TNR: variants seen among roughly 807,000 people sequenced by gnomAD.
The protein encoded by TNR is tenascin-R.
In TNR, 45 loss-of-function variants were observed where a neutral mutation model predicts 150.4. That is an observed-to-expected ratio of 0.30 (90% CI 0.24 to 0.38). The LOEUF is 0.38. Among genes scored for constraint, TNR ranks in the 10% least tolerant of loss-of-function variants. The pLI is 1.00. For synonymous variants in TNR, 687 were observed against 678.4 expected (o/e 1.01, Z -0.20); for missense variants, 1,544 against 1,759.1 (o/e 0.88, Z 2.19).
At chr1:175,649,284 C>A (rs1347192655) in intron 1 of TNR, among the ~76,000 whole-genome samples, 1 of 152,216 alleles carries the variant, frequency 6.6e-6, no homozygotes, top group Non-Finnish European at 1.5e-5. Context: ...CTTTCTCCAC[C>A]TTCAGATCGC....
chr1:175,680,677 G>T (rs1666007016), intron 1 of TNR, among the ~76,000 whole-genome samples: 2 of 152,090 alleles, frequency 1.3e-5, no homozygotes, highest in Admixed American at 6.5e-5. Flanking sequence ...GTACAAAAGA[G>T]GTGCAATAAG....
At chr1:175,510,668 A>G (rs1456588466) in intron 2 of TNR, among the ~76,000 whole-genome samples, 1 of 152,250 alleles carries the variant, frequency 6.6e-6, no homozygotes, top group Non-Finnish European at 1.5e-5. Context: ...AAAAGAAGAA[A>G]GTAAATAAGT....
intron 1 of TNR, among the ~76,000 whole-genome samples, chr1:175,554,223 T>A (rs1382950079): frequency 6.6e-6 from 1 of 151,988 alleles, no homozygotes; most frequent in African/African-American, 2.4e-5. Flanking sequence ...TCAAAGGTGC[T>A]ATCATTTCTA....
intron 1 of TNR, among the ~76,000 whole-genome samples, chr1:175,719,153 T>C (rs1667233652): frequency 6.6e-6 from 1 of 152,130 alleles, no homozygotes; most frequent in South Asian, 2.1e-4. Flanking sequence ...TACAGAAGCA[T>C]GGGTGAGAAA....
At position 175,330,212 on chromosome 1, in the gene TNR, T is replaced by C; in HGVS notation, c.3655A>G (p.Thr1219Ala). 6.2e-7 allele frequency: 1 copy of C among 1,605,978 alleles called. No homozygotes were observed. Among genetic ancestry groups the C allele is most frequent in the Non-Finnish European group, 8.5e-7 (1 of 1,174,106 alleles). ...WLGLDNIHRI[T>A]SQGRYELRVD... Reference sequence around the variant, plus strand: ...CGCAGCTCATAGCGGCCCTGGGATGTGATCCTGTGTATATTGTCCAGCCCT... The same window carrying C: ...CGCAGCTCATAGCGGCCCTGGGATGCGATCCTGTGTATATTGTCCAGCCCT... Residue 1219 changes from threonine (T) to alanine (A), a missense_variant, in exon 21 of 23, where the codon ACA (threonine) becomes GCA (alanine). Thr to Ala is a moderately conservative substitution (Grantham distance 58). Transcript: ENST00000367674.
At chr1:175,640,622 A>C (rs577091259) in intron 1 of TNR, among the ~76,000 whole-genome samples, 35 of 152,172 alleles carry the variant, frequency 2.3e-4, no homozygotes, top group African/African-American at 8.2e-4. Context: ...CCATTCCCTT[A>C]TATCTCCTTG....
At chr1:175,516,037 A>G (rs1659392111) in intron 2 of TNR, among the ~76,000 whole-genome samples, 1 of 152,236 alleles carries the variant, frequency 6.6e-6, no homozygotes, top group Non-Finnish European at 1.5e-5. Context: ...TTTAATATCC[A>G]ATTTTATATT....
intron 1 of TNR, among the ~76,000 whole-genome samples, chr1:175,687,263 C>T (rs1666228169): frequency 6.6e-6 from 1 of 152,136 alleles, no homozygotes; most frequent in Non-Finnish European, 1.5e-5. Context: ...CACTGACAAG[C>T]ACCATCTCAC....
chr1:175,591,942 T>C lies in TNR; in HGVS notation c.-164-63573A>G, dbSNP rs143202705. Among the ~76,000 whole-genome samples, 372 of 152,306 alleles carry C rather than the reference T, an allele frequency of 2.4e-3. 1 individual carries two copies. Among genetic ancestry groups the C allele is most frequent in the Non-Finnish European group, 4.3e-3 (292 of 68,022 alleles). ...GAGGAAGCATGTGTCAATTTGGATT[T>C]AGCCTGGGAATCTAAGTGACCAAGA... On this transcript the variant is annotated intron_variant, in intron 1 of 22. Transcript: ENST00000367674.
At chr1:175,663,583 T>C (rs1665443242) in intron 1 of TNR, among the ~76,000 whole-genome samples, 1 of 152,132 alleles carries the variant, frequency 6.6e-6, no homozygotes, top group Non-Finnish European at 1.5e-5. Context: ...AAAAGCCAAC[T>C]CTAACCTACA....
intron 1 of TNR, among the ~76,000 whole-genome samples, chr1:175,534,100 G>A (rs61338395): frequency 6.6e-6 from 1 of 152,222 alleles, no homozygotes; most frequent in South Asian, 2.1e-4. Flanking sequence ...AGGAGGTGCA[G>A]CAAATCCCTA....
chr1:175,514,081 G>A (rs1321386619), intron 2 of TNR, among the ~76,000 whole-genome samples: 1 of 152,184 alleles, frequency 6.6e-6, no homozygotes, highest in Non-Finnish European at 1.5e-5. Flanking sequence ...TTAGTCTCTG[G>A]AATCTGTGAA....
chr1:175,491,719 C>A (rs111504028), intron 2 of TNR, among the ~76,000 whole-genome samples: 4 of 143,814 alleles, frequency 2.8e-5, no homozygotes, highest in African/African-American at 1.1e-4. Context: ...GCGTGATCTC[C>A]GCTCACTGCA....
chr1:175,572,002 T>C (rs796705781), intron 1 of TNR, among the ~76,000 whole-genome samples: 9 of 152,230 alleles, frequency 5.9e-5, no homozygotes, highest in African/African-American at 2.2e-4. Flanking sequence ...CCCTAGGTGT[T>C]TGTTGTTGAA....
chr1:175,660,535 G>T (rs1665330253), intron 1 of TNR, among the ~76,000 whole-genome samples: 1 of 152,186 alleles, frequency 6.6e-6, no homozygotes, highest in African/African-American at 2.4e-5. Flanking sequence ...ATAGCTCTCA[G>T]GCTTTCCATG....
At chr1:175,643,107 T>C (rs1053688896) in intron 1 of TNR, among the ~76,000 whole-genome samples, 1 of 152,188 alleles carries the variant, frequency 6.6e-6, no homozygotes, top group African/African-American at 2.4e-5. Context: ...GATGTTTCTC[T>C]CATTTCTCAT....
At chr1:175,648,588 C>A (rs1015518286) in intron 1 of TNR, among the ~76,000 whole-genome samples, 1 of 152,156 alleles carries the variant, frequency 6.6e-6, no homozygotes, top group Non-Finnish European at 1.5e-5. Flanking sequence ...CAATTCACTC[C>A]TTCTCAGTTC....
intron 14 of TNR, among the ~76,000 whole-genome samples, chr1:175,361,578 C>G (rs1012873244): frequency 2.0e-5 from 3 of 152,190 alleles, no homozygotes; most frequent in Admixed American, 6.5e-5. Flanking sequence ...GGCCCATTGC[C>G]TTAGAGATGC....
chr1:175,400,474 C>T (rs1336305924), intron 4 of TNR, among the ~76,000 whole-genome samples: 1 of 152,170 alleles, frequency 6.6e-6, no homozygotes, highest in Non-Finnish European at 1.5e-5. Flanking sequence ...ATTATCTGTA[C>T]ATGGGCAGAG....
Sources: gnomAD v4.1 joint callset for allele counts (sites outside exome capture counted in the v4.1 genomes callset) on GRCh38, gnomAD v4.1.1 for gene constraint, MANE v1.5 for transcripts, NCBI Gene and HGNC (gene_info 2026-07-23, HGNC 2026-07-21) for gene names.